The following RAD51B variants were observed in gnomAD, a reference collection of about 807,000 sequenced individuals.
RAD51B encodes the protein DNA repair protein RAD51 homolog 2.
In RAD51B, 38 loss-of-function variants were observed where a neutral mutation model predicts 42.2. The observed-to-expected ratio is 0.90, with a 90% CI of 0.70 to 1.18. The LOEUF (loss-of-function observed/expected upper bound fraction) is 1.18, where lower values mean the gene tolerates loss of function less well. Among genes scored for constraint, RAD51B ranks in the 50% most tolerant of loss-of-function variants. The probability of loss-of-function intolerance (pLI) is 0.00; values close to 1 mark genes in which losing one functional copy is unlikely to be tolerated. For synonymous variants in RAD51B, 154 were observed against 145.2 expected, an observed-to-expected ratio of 1.06 and a Z score of -0.43; for missense variants, 373 against 400.7, an observed-to-expected ratio of 0.93 and a Z score of 0.59.
chr14:68,210,131 T>C (rs2079675261), intron 7 of RAD51B, among the ~76,000 whole-genome samples: 5 of 152,082 alleles, frequency 3.3e-5, no homozygotes, highest in Admixed American at 3.3e-4. Flanking sequence ...AGCTAATTTT[T>C]GTATTTTTAG....
intron 9 of RAD51B, among the ~76,000 whole-genome samples, chr14:68,446,308 C>A (rs2085420142): frequency 6.6e-6 from 1 of 152,218 alleles, no homozygotes; most frequent in Non-Finnish European, 1.5e-5. Flanking sequence ...TCTGAAGTGA[C>A]TTGTAGCTAC....
intron 4 of RAD51B, among the ~76,000 whole-genome samples, chr14:67,836,414 A>G (rs758903199): frequency 5.9e-5 from 9 of 151,982 alleles, no homozygotes; most frequent in Non-Finnish European, 1.0e-4. Flanking sequence ...ACACACCACT[A>G]CTTCTGCCAC....
intron 11 of RAD51B, among the ~76,000 whole-genome samples, chr14:68,669,741 G>T (rs1212597359): frequency 6.6e-6 from 1 of 152,096 alleles, no homozygotes; most frequent in Non-Finnish European, 1.5e-5. Context: ...GGCCCAGTAA[G>T]AGCTTTGTGA....
At chr14:68,360,967 G>C (rs1334292520) in intron 8 of RAD51B, among the ~76,000 whole-genome samples, 1 of 152,204 alleles carries the variant, frequency 6.6e-6, no homozygotes, top group Admixed American at 6.5e-5. Context: ...CTCCAGGTAG[G>C]GGGTAGGACC....
chr14:68,369,996 C>A (rs1176542518), intron 8 of RAD51B, among the ~76,000 whole-genome samples: 1 of 152,092 alleles, frequency 6.6e-6, no homozygotes, highest in Non-Finnish European at 1.5e-5. Flanking sequence ...CATCTCAAAT[C>A]CAGAAGGGAA....
intron 8 of RAD51B, among the ~76,000 whole-genome samples, chr14:68,396,669 C>T (rs1184641011): frequency 2.0e-5 from 3 of 152,124 alleles, no homozygotes; most frequent in Admixed American, 6.5e-5. Context: ...CTTTTGGTAT[C>T]AATTTCTAGA....
downstream of RAD51B, among the ~76,000 whole-genome samples, chr14:68,599,241 G>A (rs1891125092): frequency 6.6e-6 from 1 of 152,200 alleles, no homozygotes; most frequent in East Asian, 1.9e-4. Flanking sequence ...GGAGGGAAAG[G>A]ATGTTGCCAT....
At chr14:67,886,707 C>A in intron 6 of RAD51B, 1 of 260,340 alleles carries the variant, frequency 3.8e-6, no homozygotes, top group Non-Finnish European at 7.4e-6. Context: ...TACAAGGATG[C>A]AAAATACCAA....
At chr14:68,382,803 C>T (rs911812977) in intron 8 of RAD51B, among the ~76,000 whole-genome samples, 2 of 152,152 alleles carry the variant, frequency 1.3e-5, no homozygotes, top group Admixed American at 1.3e-4. Context: ...TTGATAGTTT[C>T]CTGGGATATG....
chr14:68,611,250 C>A (rs1341994656), exon 11 of RAD51B: 1 of 702,762 alleles, frequency 1.4e-6, no homozygotes, highest in South Asian at 1.5e-5. Context: ...CAGTGTAACC[C>A]AGCCTAGTTT....
chr14:68,441,867 C>T (rs1325838861), intron 9 of RAD51B, among the ~76,000 whole-genome samples: 7 of 152,264 alleles, frequency 4.6e-5, no homozygotes, highest in African/African-American at 1.2e-4. Flanking sequence ...TATCAACGGG[C>T]GCTGGCCACA....
chr14:67,885,852 AT>A lies in RAD51B; in HGVS notation c.453-10del, dbSNP rs755033108. On this transcript the variant is annotated splice_polypyrimidine_tract_variant and intron_variant, in intron 5 of 10. Coordinates refer to ENST00000471583, the MANE Select transcript of RAD51B (RefSeq NM_133510.4). ...AGAATTGACTGTTTTCGTTTGTGCTATTTTTTTCACCCACAGACTGGTTGAA... is the reference window on the plus strand; with the variant it reads ...AGAATTGACTGTTTTCGTTTGTGCTATTTTTTCACCCACAGACTGGTTGAA... The A allele has an allele frequency of 1.4e-5, 22 of 1,578,694 alleles. No homozygotes were observed. The highest frequency in any genetic ancestry group is 9.5e-5 in the African/African-American group (7 of 73,524).
At position 68,087,939 on chromosome 14, in the gene RAD51B, T is replaced by TTATTATATATAATTATATAATA. The variant is rs1566634463; in HGVS notation, c.756+200741_756+200742insATATAATTATATAATATATTAT. On this transcript the variant is annotated intron_variant, in intron 7 of 10. Coordinates refer to ENST00000471583, the MANE Select transcript of RAD51B (RefSeq NM_133510.4). ...AATATATTATATATAATTATATAAT[T>TTATTATATATAATTATATAATA]TATTATTATATATAATTATATAATT... Among the ~76,000 whole-genome samples, 50 of 76,096 alleles carry TTATTATATATAATTATATAATA rather than the reference T, an allele frequency of 6.6e-4. 2 individuals are homozygous for TTATTATATATAATTATATAATA. The highest frequency in any genetic ancestry group is 4.6e-3 in the African/African-American group (50 of 10,904). The allele number at this position is 76,096 out of a possible 152,430, so 49.9% of individuals were successfully genotyped here. A position where few individuals can be genotyped will look rare whatever the true frequency, so the allele number is the denominator to read the frequency against.
At chr14:68,661,560 A>C (rs1192715294) in intron 11 of RAD51B, among the ~76,000 whole-genome samples, 1 of 152,216 alleles carries the variant, frequency 6.6e-6, no homozygotes, top group Admixed American at 6.5e-5. Context: ...GGTCACTTAA[A>C]GGAGAATGCT....
chr14:68,208,526 C>G (rs2079639588), intron 7 of RAD51B, among the ~76,000 whole-genome samples: 1 of 152,194 alleles, frequency 6.6e-6, no homozygotes, highest in Non-Finnish European at 1.5e-5. Context: ...AACTTGTTTT[C>G]TATGCAGTAT....
intron 11 of RAD51B, among the ~76,000 whole-genome samples, chr14:68,653,098 C>G (rs551453969): frequency 6.6e-6 from 1 of 152,348 alleles, no homozygotes; most frequent in South Asian, 2.1e-4. Flanking sequence ...AGTCAACTTT[C>G]TTAAGTTCTA....
At chr14:68,063,488 C>A (rs1439121899) in intron 7 of RAD51B, among the ~76,000 whole-genome samples, 1 of 152,110 alleles carries the variant, frequency 6.6e-6, no homozygotes, top group Non-Finnish European at 1.5e-5. Context: ...GTAATCCCAG[C>A]ACTTTGGGAG....
At chr14:67,975,455 T>C (rs2074975175) in intron 7 of RAD51B, among the ~76,000 whole-genome samples, 1 of 152,216 alleles carries the variant, frequency 6.6e-6, no homozygotes, top group African/African-American at 2.4e-5. Flanking sequence ...CCATAAACCT[T>C]AACAGATATA....
chr14:67,873,919 C>G (rs1202548314), intron 5 of RAD51B, among the ~76,000 whole-genome samples: 2 of 139,312 alleles, frequency 1.4e-5, no homozygotes. Flanking sequence ...AGGGGAACAT[C>G]ACACTCTGGG....
Sources: gnomAD v4.1 joint callset for allele counts (sites outside exome capture counted in the v4.1 genomes callset) on GRCh38, gnomAD v4.1.1 for gene constraint, MANE v1.5 for transcripts, NCBI Gene and HGNC (gene_info 2026-07-23, HGNC 2026-07-21) for gene names.